SPEF2: variants seen among roughly 807,000 people sequenced by gnomAD.
SPEF2 encodes sperm flagellar and cilia associated 2.
In SPEF2, 187 loss-of-function variants were observed where a neutral mutation model predicts 224.6. The observed-to-expected ratio is 0.83, with a 90% CI of 0.74 to 0.94. The LOEUF (loss-of-function observed/expected upper bound fraction) is 0.94, where lower values mean the gene tolerates loss of function less well. SPEF2 is among the 40% of genes least tolerant of loss of function. SPEF2 has a pLI of 0.00. For missense variants in SPEF2, 2,170 were observed against 2,135.6 expected, an observed-to-expected ratio of 1.02 and a Z score of -0.32; for synonymous variants, 715 against 707.3, an observed-to-expected ratio of 1.01 and a Z score of -0.17.
intron 2 of SPEF2, among the ~76,000 whole-genome samples, chr5:35,641,146 G>A (rs760358028): frequency 1.3e-5 from 2 of 152,080 alleles, no homozygotes; most frequent in Non-Finnish European, 2.9e-5. Flanking sequence ...TCAAGTTTAG[G>A]TGTTGTGACT....
rs769135387 is a variant in SPEF2 at position 35,740,142 on chromosome 5, G to C, written c.3205G>C (p.Glu1069Gln). The change falls in exon 23 of 37, where the codon GAG becomes CAG. Residue 1069 changes from glutamate (E) to glutamine (Q), a missense_variant. Physicochemically the swap from Glu to Gln is conservative, Grantham distance 29 (BLOSUM62 2). Transcript: ENST00000356031. ...TAATGTCTACAGAACAAGTTTCCAG[G>C]AGTTTCTAAAGCGTCCGGATCACAA... Reference protein sequence around the residue: ...YLYEIRTSFQEFLKRPDHKQD... With the variant: ...YLYEIRTSFQQFLKRPDHKQD... The C allele has an allele frequency of 5.6e-6, 9 of 1,614,042 alleles. No homozygotes were observed. Among genetic ancestry groups the C allele is most frequent in the Non-Finnish European group, 7.6e-6 (9 of 1,180,000 alleles).
rs747014060 is a variant in SPEF2 at position 35,646,740 on chromosome 5, C to G, written c.659C>G (p.Pro220Arg). 6.2e-7 allele frequency: 1 copy of G among 1,613,854 alleles called. No homozygotes were observed. Among genetic ancestry groups the G allele is most frequent in the Non-Finnish European group, 8.5e-7 (1 of 1,179,920 alleles). Reference sequence around the variant, plus strand: ...GCAGCTATTATACAGATTCCTAAACCTGCATCAAATCGTACTTTGAAAGCA... The same window carrying G: ...GCAGCTATTATACAGATTCCTAAACGTGCATCAAATCGTACTTTGAAAGCA... ...IQAAIIQIPK[P>R]ASNRTLKALE... The change falls in exon 5 of 37, where the codon CCT (proline) becomes CGT (arginine). Residue 220 changes from proline to arginine, a missense_variant. Coordinates refer to ENST00000356031, the MANE Select transcript of SPEF2 (RefSeq NM_024867.4).
At chr5:35,719,431 T>C (rs2149627449) in intron 20 of SPEF2, among the ~76,000 whole-genome samples, 1 of 152,298 alleles carries the variant, frequency 6.6e-6, no homozygotes, top group East Asian at 1.9e-4. Context: ...GCAGCAAGAA[T>C]AATTATTTCT....
chr5:35,711,839 G>T (rs1189061647), intron 19 of SPEF2, among the ~76,000 whole-genome samples: 1 of 152,070 alleles, frequency 6.6e-6, no homozygotes, highest in Non-Finnish European at 1.5e-5. Flanking sequence ...AGGTTAAAGG[G>T]AGTCTGTCTC....
intron 23 of SPEF2, among the ~76,000 whole-genome samples, chr5:35,742,502 A>C (rs1045342582): frequency 1.3e-5 from 2 of 151,978 alleles, no homozygotes; most frequent in African/African-American, 4.8e-5. Flanking sequence ...AAATATTTTA[A>C]ATCTAAATTA....
At position 35,795,683 on chromosome 5, in the gene SPEF2, C is replaced by A; in HGVS notation, c.4738-20C>A. ...GCAAAATACATACTTTAACAATTTT[C>A]ATTTTTATTTTTTATGTAGGCTGGT... On this transcript the variant is annotated intron_variant, in intron 32 of 36. Transcript: ENST00000356031. The A allele has an allele frequency of 6.2e-7, 1 of 1,601,992 alleles. No individual in the cohort carries two copies. Among genetic ancestry groups the A allele is most frequent in the African/African-American group, 1.3e-5 (1 of 74,276 alleles).
rs562971245 is a variant in SPEF2 at position 35,682,974 on chromosome 5, G to A, written c.1525-8063G>A. Among the ~76,000 whole-genome samples the A allele has an allele frequency of 7.2e-5, 11 of 152,250 alleles. No homozygotes were observed. In the East Asian group the frequency reaches 2.1e-3, roughly 29 times the overall value. ...GGGAGCTTAAGCTTGCCCTTGAAGT[G>A]TGCAACTCAACCCACATTCAAGCAT... is the stretch of plus-strand genomic sequence containing the variant. On this transcript the variant is annotated intron_variant, in intron 10 of 36. Coordinates refer to ENST00000356031, the MANE Select transcript of SPEF2 (RefSeq NM_024867.4).
chr5:35,675,784 C>CAACAG (rs1751912572), intron 10 of SPEF2: 3 of 375,790 alleles, frequency 8.0e-6, no homozygotes, highest in South Asian at 6.0e-5. Context: ...CAGAGCAGAA[C>CAACAG]ATCAATGTAT....
intron 9 of SPEF2, among the ~76,000 whole-genome samples, chr5:35,668,039 A>G (rs771886921): frequency 1.8e-4 from 28 of 152,246 alleles, no homozygotes; most frequent in Non-Finnish European, 3.7e-4. Flanking sequence ...TCTGGAGAAA[A>G]CCACTATTCA....
At chr5:35,661,254 T>TTATATATATATATATATATATA (rs550178866) in intron 8 of SPEF2, among the ~76,000 whole-genome samples, 1 of 94,006 alleles carries the variant, frequency 1.1e-5, no homozygotes, top group South Asian at 3.4e-4. Context: ...TTGGTATATA[T>TTATATATATATATATATATATA]TATATATATA....
Position 35,800,100 on chromosome 5 carries a change from A to T in SPEF2, c.4963A>T (p.Thr1655Ser). The change falls in exon 34 of 37, where the codon ACT becomes TCT. Residue 1655 changes from threonine (T) to serine (S), a missense_variant. Coordinates refer to ENST00000356031, the MANE Select transcript of SPEF2 (RefSeq NM_024867.4). ...CAGGGCCCTCAGTGTGGCTGTTGGA[A>T]CTCATGTCTTCCAACAAGTCAAAGC... ...VYRALSVAVG[T>S]HVFQQVKASI... is the part of the protein sequence containing the mutation. 1 of 1,614,110 alleles carries T rather than the reference A, an allele frequency of 6.2e-7. No homozygotes were observed. The highest frequency in any genetic ancestry group is 8.5e-7 in the Non-Finnish European group (1 of 1,180,032).
chr5:35,806,590 T>C (rs1758088825), intron 34 of SPEF2, 117 bp from the exon 35 acceptor site: 1 of 1,301,044 alleles, frequency 7.7e-7, no homozygotes, highest in Non-Finnish European at 1.0e-6. Flanking sequence ...AGCTAGTTTG[T>C]GGTAGGCTCT....
intron 18 of SPEF2, among the ~76,000 whole-genome samples, chr5:35,707,207 C>T (rs1204349308): frequency 1.3e-5 from 2 of 152,146 alleles, no homozygotes; most frequent in Non-Finnish European, 2.9e-5. Context: ...CCACAATATA[C>T]TGTTAAGTAG....
chr5:35,790,502 C>A, intron 30 of SPEF2: 1 of 423,306 alleles, frequency 2.4e-6, no homozygotes, highest in Non-Finnish European at 4.1e-6. Context: ...TCACATCAAA[C>A]AAAAGGCATT....
At position 35,776,391 on chromosome 5, in the gene SPEF2, G is replaced by A. The variant is rs754835663; in HGVS notation, c.4213G>A (p.Ala1405Thr). 2 of 1,607,700 alleles carry A rather than the reference G, an allele frequency of 1.2e-6. No homozygotes were observed. Among genetic ancestry groups the A allele is most frequent in the Middle Eastern group, 1.7e-4 (1 of 5,920 alleles). The change falls in exon 29 of 37, where the codon GCC becomes ACC. Residue 1405 changes from alanine to threonine, a missense_variant. Transcript: ENST00000356031. ...TGGTGAGAGGTATTTGAATGAAATG[G>A]CCAGGTAAAGTACTACATGACTTTC... ...WLGERYLNEM[A>T]STEKLTDVAR...
chr5:35,708,649 TC>T (rs1740416922), intron 18 of SPEF2, among the ~76,000 whole-genome samples: 4 of 516 alleles, frequency 7.8e-3, no homozygotes, highest in South Asian at 0.042. Context: ...TACCAGCACC[TC>T]CACCACCACT....
intron 10 of SPEF2, among the ~76,000 whole-genome samples, chr5:35,681,210 A>T (rs1253098418): frequency 6.6e-6 from 1 of 152,222 alleles, no homozygotes; most frequent in African/African-American, 2.4e-5. Flanking sequence ...ATTATAAAAA[A>T]ATTTAAGAAC....
chr5:35,765,371 G>A (rs573729354), intron 26 of SPEF2, among the ~76,000 whole-genome samples: 2 of 152,238 alleles, frequency 1.3e-5, no homozygotes, highest in East Asian at 1.9e-4. Flanking sequence ...CCAATTTGGT[G>A]TCGGTATGGA....
intron 1 of SPEF2, among the ~76,000 whole-genome samples, chr5:35,621,493 C>A (rs956321237): frequency 2.0e-5 from 3 of 152,130 alleles, no homozygotes; most frequent in South Asian, 4.1e-4. Context: ...AAGTTTTAAA[C>A]TTAGGCATGA....
Sources: gnomAD v4.1 joint callset for allele counts (sites outside exome capture counted in the v4.1 genomes callset) on GRCh38, gnomAD v4.1.1 for gene constraint, MANE v1.5 for transcripts, NCBI Gene and HGNC (gene_info 2026-07-23, HGNC 2026-07-21) for gene names.